CMA1: variants seen among roughly 807,000 people sequenced by gnomAD.
The protein encoded by CMA1 is chymase.
A neutral mutation model predicts 18.8 loss-of-function variants in CMA1; 24 were observed. The observed-to-expected ratio is 1.28, with a 90% CI of 0.92 to 1.80. The LOEUF (loss-of-function observed/expected upper bound fraction) is 1.80, where lower values mean the gene tolerates loss of function less well. Among genes scored for constraint, CMA1 ranks in the 40% most tolerant of loss-of-function variants. The pLI is 0.00. For synonymous variants in CMA1, 152 were observed against 117.0 expected (o/e 1.30, Z -1.93); for missense variants, 421 against 302.8 (o/e 1.39, Z -2.90).
intron 2 of CMA1, 41 bp downstream of exon 2, chr14:24,507,315 T>C (rs772077719): frequency 1.2e-6 from 2 of 1,613,100 alleles, no homozygotes; most frequent in Non-Finnish European, 1.7e-6. Context: ...ACTCTGGTTG[T>C]TCATCTCCCA....
chr14:24,507,318 A>C (rs1182232242), intron 2 of CMA1, 38 bp downstream of exon 2: 11 of 1,613,324 alleles, frequency 6.8e-6, no homozygotes, highest in Non-Finnish European at 8.5e-6. Context: ...CTGGTTGTTC[A>C]TCTCCCATTT....
At position 24,506,585 on chromosome 14, in the gene CMA1, CA is replaced by C. The variant is rs757438612; in HGVS notation, c.228del (p.Gly77GlufsTer5). On this transcript the variant is annotated frameshift_variant, in exon 3 of 5. Transcript: ENST00000250378. LOFTEE classifies it high-confidence loss of function. ...TCTTCCTCTGTTATGTTATGGGCTC[CA>C]AGGGTGACTGTTATAGACCTGTTGT... is the stretch of plus-strand genomic sequence containing the variant. ...HCAGRSITVT[L>X]GAHNITEEED... The C allele has an allele frequency of 6.2e-7, 1 of 1,614,094 alleles. No individual in the cohort carries two copies.
chr14:24,507,134 G>A (rs567117680), intron 2 of CMA1, among the ~76,000 whole-genome samples: 45 of 152,190 alleles, frequency 3.0e-4, no homozygotes, highest in Non-Finnish European at 4.3e-4. Flanking sequence ...GAGGGACCTT[G>A]GACAGGACCT....
At chr14:24,508,045 G>T (rs2043873992) in intron 1 of CMA1, 133 bp downstream of exon 1, 1 of 838,586 alleles carries the variant, frequency 1.2e-6, no homozygotes, top group Non-Finnish European at 1.9e-6. Flanking sequence ...CACATCCCAA[G>T]TGGAAATTTC....
chr14:24,506,054 G>T lies in CMA1; in HGVS notation c.574C>A (p.Pro192Thr), dbSNP rs764394472. The T allele has an allele frequency of 1.4e-4, 227 of 1,614,074 alleles. No individual in the cohort carries two copies. The highest frequency in any genetic ancestry group is 1.9e-4 in the Non-Finnish European group (223 of 1,180,042). The change falls in exon 4 of 5, where the codon CCC becomes ACC. Residue 192 changes from proline (P) to threonine (T), a missense_variant. Transcript: ENST00000250378. ...DHNLQLCVGN[P>T]RKTKSAFKGD... The stretch of plus-strand genomic sequence containing the variant: ...TTAAATGCAGATTTTGTCTTCCTGG[G>T]ATTGCCCACACACAGCTGAAGATTG...
At chr14:24,507,264 C>T in intron 2 of CMA1, 92 bp downstream of exon 2, 1 of 1,459,212 alleles carries the variant, frequency 6.9e-7, no homozygotes, top group Non-Finnish European at 9.6e-7. Flanking sequence ...AGACCCAGGA[C>T]CCCCTCTTCA....
At position 24,507,370 on chromosome 14, in the gene CMA1, A is replaced by G. The variant is rs1280200670; in HGVS notation, c.195T>C (p.Ala65=). Reference sequence around the variant, plus strand: ...TGTTGTCTCACCTTCCTGCACAATGAGCAGCCGTCAGCACAAAGTTCCGTC... The same window carrying G: ...TGTTGTCTCACCTTCCTGCACAATGGGCAGCCGTCAGCACAAAGTTCCGTC... ...LIRRNFVLTA[A]HCAGRSITVT... The change falls in exon 2 of 5, where the codon GCT becomes GCC. Residue 65 remains alanine, a synonymous_variant. Coordinates refer to ENST00000250378, the MANE Select transcript of CMA1 (RefSeq NM_001836.5). 3.7e-6 allele frequency: 6 copies of G among 1,614,032 alleles called. No homozygotes were observed. The African/African-American group carries it at 5.3e-5, about 14-fold the overall frequency.
intron 1 of CMA1, 41 bp from the exon 2 acceptor site, chr14:24,507,547 A>C (rs925490471): frequency 6.3e-7 from 1 of 1,581,378 alleles, no homozygotes; most frequent in Non-Finnish European, 8.6e-7. Flanking sequence ...GGCCATAGAT[A>C]CTCTCTCCAA....
At chr14:24,507,851 G>GAGTGAGAAAA (rs2043871936) in intron 1 of CMA1, among the ~76,000 whole-genome samples, 1 of 152,242 alleles carries the variant, frequency 6.6e-6, no homozygotes, top group Non-Finnish European at 1.5e-5. Flanking sequence ...GAGTGAGAAA[G>GAGTGAGAAAA]TCACAAAGTA....
intron 2 of CMA1, among the ~76,000 whole-genome samples, chr14:24,507,045 G>A (rs935532896): frequency 1.3e-5 from 2 of 152,146 alleles, no homozygotes; most frequent in African/African-American, 4.8e-5. Flanking sequence ...AGAGGAAGTG[G>A]CCCTGAGACT....
chr14:24,505,550 C>G lies in CMA1; in HGVS notation c.710G>C (p.Arg237Pro). 1.9e-6 allele frequency: 3 copies of G among 1,613,958 alleles called. No homozygotes were observed. The highest frequency in any genetic ancestry group is 2.5e-6 in the Non-Finnish European group (3 of 1,179,994). The change falls in exon 5 of 5, where the codon CGG becomes CCG. Residue 237 changes from arginine (R) to proline (P), a missense_variant. Arg to Pro is a moderately radical substitution (Grantham distance 103). Coordinates refer to ENST00000250378, the MANE Select transcript of CMA1 (RefSeq NM_001836.5). ...PAVFTRISHY[R>P]PWINQILQAN is the part of the protein sequence containing the mutation. ...CTGCAGGATCTGGTTGATCCAGGGC[C>G]GGTAATGGGAGATTCGGGTGAAGAC...
rs539562095 is a variant in CMA1, at chr14:24,507,359, C to A, written c.206G>T (p.Gly69Val). The change falls in exon 2 of 5, where the codon GGA becomes GTA. Residue 69 changes from glycine to valine, a missense_variant. Physicochemically the swap from Gly to Val is moderately radical, Grantham distance 109. Coordinates refer to ENST00000250378, the MANE Select transcript of CMA1 (RefSeq NM_001836.5). ...TAAATAGACCCTGTTGTCTCACCTT[C>A]CTGCACAATGAGCAGCCGTCAGCAC... ...NFVLTAAHCAGRSITVTLGAH... is the reference protein window; with the variant it reads ...NFVLTAAHCAVRSITVTLGAH... The A allele has an allele frequency of 1.2e-6, 2 of 1,614,004 alleles. No individual in the cohort carries two copies. Among genetic ancestry groups the A allele is most frequent in the Non-Finnish European group, 1.7e-6 (2 of 1,179,966 alleles).
rs767861920 is a variant in CMA1, at chr14:24,508,174, T to TCA, written c.58+2_58+3dup. The TCA allele has an allele frequency of 1.2e-6, 2 of 1,613,578 alleles. No homozygotes were observed. Among genetic ancestry groups the TCA allele is most frequent in the South Asian group, 2.2e-5 (2 of 90,954 alleles). ...ATTTCAGAGGGAAGAACCCTGATACTCACCAGCTTCAGCTCTGGAGCACAA... is the reference window on the plus strand; with the variant it reads ...ATTTCAGAGGGAAGAACCCTGATACTCACACCAGCTTCAGCTCTGGAGCACAA... On this transcript the variant is annotated splice_donor_region_variant and intron_variant, in intron 1 of 4. Coordinates refer to ENST00000250378, the MANE Select transcript of CMA1 (RefSeq NM_001836.5).
At position 24,505,498 on chromosome 14, in the gene CMA1, C is replaced by T; in HGVS notation, c.*18G>A. ...GTCCAGTTCCAGCTTCCCTTTCAGG[C>T]TGGCTCAGGATCCAGGATTAATTTG... is the stretch of plus-strand genomic sequence containing the variant. On this transcript the variant is annotated 3_prime_UTR_variant, in exon 5 of 5. Coordinates refer to ENST00000250378, the MANE Select transcript of CMA1 (RefSeq NM_001836.5). The T allele has an allele frequency of 6.2e-7, 1 of 1,613,948 alleles. No homozygotes were observed. Among genetic ancestry groups the T allele is most frequent in the Non-Finnish European group, 8.5e-7 (1 of 1,180,010 alleles).
At position 24,505,527 on chromosome 14, in the gene CMA1, G is replaced by A; in HGVS notation, c.733C>T (p.Gln245Ter). 1 of 1,614,060 alleles carries A rather than the reference G, an allele frequency of 6.2e-7. No homozygotes were observed. ...HYRPWINQIL[Q>*]AN ...CTCAGGATCCAGGATTAATTTGCCT[G>A]CAGGATCTGGTTGATCCAGGGCCGG... The change falls in exon 5 of 5, where the codon CAG (glutamine) becomes TAG (stop). Residue 245 changes from glutamine (Q) to a stop codon, truncating the protein, a stop_gained. Coordinates refer to ENST00000250378, the MANE Select transcript of CMA1 (RefSeq NM_001836.5). LOFTEE classifies it high-confidence loss of function.
intron 1 of CMA1, 122 bp downstream of exon 1, chr14:24,508,056 C>T: frequency 1.1e-6 from 1 of 943,268 alleles, no homozygotes; most frequent in Non-Finnish European, 1.6e-6. Context: ...TGGAAATTTC[C>T]CTCTGGGACT....
intron 1 of CMA1, among the ~76,000 whole-genome samples, chr14:24,507,892 AG>A (rs1285812201): frequency 6.6e-6 from 1 of 152,104 alleles, no homozygotes; most frequent in African/African-American, 2.4e-5. Flanking sequence ...GAAGATTAAG[AG>A]GACATGTCTG....
At chr14:24,506,690 C>A (rs2043860415) in intron 2 of CMA1, 86 bp from the exon 3 acceptor site, 9 of 1,518,940 alleles carry the variant, frequency 5.9e-6, no homozygotes, top group South Asian at 1.2e-5. Context: ...GAAAAGAGGA[C>A]TAAACTCTGT....
Position 24,505,544 on chromosome 14 carries a change from C to T in CMA1, c.716G>A (p.Trp239Ter). The change falls in exon 5 of 5, where the codon TGG (tryptophan) becomes TAG (stop). Residue 239 changes from tryptophan to a stop codon, truncating the protein, a stop_gained. Coordinates refer to ENST00000250378, the MANE Select transcript of CMA1 (RefSeq NM_001836.5). LOFTEE classifies it high-confidence loss of function. ...VFTRISHYRPWINQILQAN is the reference protein window; with the variant it reads ...VFTRISHYRP ...ATTTGCCTGCAGGATCTGGTTGATC[C>T]AGGGCCGGTAATGGGAGATTCGGGT... 6.2e-7 allele frequency: 1 copy of T among 1,614,096 alleles called. No individual in the cohort carries two copies. The highest frequency in any genetic ancestry group is 2.2e-5 in the East Asian group (1 of 44,872).
Sources: allele counts gnomAD v4.1 joint callset (sites outside exome capture counted in the v4.1 genomes callset), GRCh38; gene constraint gnomAD v4.1.1; transcripts MANE v1.5; gene names NCBI Gene and HGNC (gene_info 2026-07-23, HGNC 2026-07-21).